CACNA1A: variants seen among roughly 807,000 people sequenced by gnomAD.
CACNA1A encodes voltage-dependent P/Q-type calcium channel subunit alpha-1A.
A neutral mutation model predicts 262.4 loss-of-function variants in CACNA1A; 57 were observed. That is an observed-to-expected ratio of 0.22 (90% CI 0.18 to 0.27). CACNA1A has a LOEUF of 0.27. Ranked by LOEUF, CACNA1A falls within the 10% of genes least tolerant of loss-of-function variation. CACNA1A has a pLI of 1.00. For synonymous variants in CACNA1A, 1,431 were observed against 1,419.3 expected, an observed-to-expected ratio of 1.01 and a Z score of -0.18; for missense variants, 2,526 against 3,562.8, an observed-to-expected ratio of 0.71 and a Z score of 7.41.
chr19:13,245,178 T>G lies in CACNA1A; in HGVS notation c.4950+4A>C, dbSNP rs1163136052. 6.2e-7 allele frequency: 1 copy of G among 1,612,594 alleles called. No homozygotes were observed. The highest frequency in any genetic ancestry group is 8.5e-7 in the Non-Finnish European group (1 of 1,178,694). ...ACCCAGAGAGAAGCTGGAGGGAGAC[T>G]TACCCCAAACTCAGTCACGAGGATA... is the stretch of plus-strand genomic sequence containing the variant. On this transcript the variant is annotated splice_donor_region_variant and intron_variant, in intron 31 of 46. Coordinates refer to ENST00000360228, the MANE Select transcript of CACNA1A (RefSeq NM_001127222.2).
chr19:13,240,866 G>A (rs2056062447), intron 31 of CACNA1A, among the ~76,000 whole-genome samples: 1 of 152,248 alleles, frequency 6.6e-6, no homozygotes, highest in African/African-American at 2.4e-5. Flanking sequence ...TACAGTTCAA[G>A]GCTCCAGGAG....
intron 3 of CACNA1A, among the ~76,000 whole-genome samples, chr19:13,436,673 C>T (rs535873117): frequency 5.9e-5 from 9 of 152,362 alleles, no homozygotes; most frequent in African/African-American, 2.2e-4. Flanking sequence ...GTGGTTCTGT[C>T]TTTACCCCCC....
chr19:13,295,510 G>A (rs1328630397), intron 19 of CACNA1A, among the ~76,000 whole-genome samples: 1 of 95,180 alleles, frequency 1.1e-5, no homozygotes, highest in Non-Finnish European at 2.2e-5. Flanking sequence ...TTTTTTTTTT[G>A]AGACAAGGAC....
Position 13,308,388 on chromosome 19 carries a change from C to CA in CACNA1A, c.1781+27dup. On this transcript the variant is annotated intron_variant, in intron 13 of 46. Transcript: ENST00000360228. The surrounding 1 kb of genome is among the most constrained non-coding windows in gnomAD (Gnocchi z 4.2). Reference sequence around the variant, plus strand: ...ATGTCCCCCATCCCCACCCCCTGTACAAATGTCCAGGAACCCCAAAGACTT... The same window carrying CA: ...ATGTCCCCCATCCCCACCCCCTGTACAAAATGTCCAGGAACCCCAAAGACTT... 1 of 1,486,778 alleles carries CA rather than the reference C, an allele frequency of 6.7e-7. No individual in the cohort carries two copies. Among genetic ancestry groups the CA allele is most frequent in the Non-Finnish European group, 9.3e-7 (1 of 1,072,684 alleles). The allele number at this position is 1,486,778 out of a possible 1,614,324, so 92.1% of individuals were successfully genotyped here. A position where few individuals can be genotyped will look rare whatever the true frequency, so the allele number is the denominator to read the frequency against.
chr19:13,488,378 C>A (rs551177619), intron 1 of CACNA1A, among the ~76,000 whole-genome samples: 77 of 146,044 alleles, frequency 5.3e-4, no homozygotes, highest in African/African-American at 1.9e-3. Flanking sequence ...TCAGCATTTT[C>A]CTTTTTCTTT....
intron 3 of CACNA1A, among the ~76,000 whole-genome samples, chr19:13,385,519 C>A (rs566894671): frequency 1.3e-5 from 2 of 152,074 alleles, no homozygotes; most frequent in South Asian, 2.1e-4. Flanking sequence ...TGAGCCACTG[C>A]GCCCGGCCTT....
At chr19:13,472,300 G>A (rs535695374) in intron 1 of CACNA1A, among the ~76,000 whole-genome samples, 9 of 151,562 alleles carry the variant, frequency 5.9e-5, no homozygotes, top group Non-Finnish European at 1.2e-4. Flanking sequence ...AGATAGATAT[G>A]TATATATGTA....
intron 3 of CACNA1A, among the ~76,000 whole-genome samples, chr19:13,375,737 G>T (rs887982766): frequency 3.9e-5 from 6 of 152,136 alleles, no homozygotes; most frequent in African/African-American, 1.4e-4. Flanking sequence ...GCAGTGAGCG[G>T]TGATTGCACC....
chr19:13,289,997 C>T (rs1434300788), intron 19 of CACNA1A, among the ~76,000 whole-genome samples: 4 of 151,226 alleles, frequency 2.6e-5, no homozygotes, highest in African/African-American at 7.3e-5. Flanking sequence ...TGCACGATCT[C>T]GGCTCACTGC....
chr19:13,286,955 C>T lies in CACNA1A; in HGVS notation c.3101G>A (p.Gly1034Asp), dbSNP rs2144889565. The T allele has an allele frequency of 1.8e-5, 28 of 1,595,518 alleles. No individual in the cohort carries two copies. Among genetic ancestry groups the T allele is most frequent in the Non-Finnish European group, 2.4e-5 (28 of 1,170,014 alleles). Residue 1034 changes from glycine to aspartate, a missense_variant, in exon 20 of 47, where the codon GGC (glycine) becomes GAC (aspartate). By Grantham distance (94) the Gly-to-Asp change is moderately conservative (BLOSUM62 -1). Around this residue, in one of 17 missense-constraint regions of CACNA1A, gnomAD observed 765 missense variants for 748.6 expected, o/e 1.02. Coordinates refer to ENST00000360228, the MANE Select transcript of CACNA1A (RefSeq NM_001127222.2). ...RRHRRRKENQGSGVPVSGPNL... is the reference protein window; with the variant it reads ...RRHRRRKENQDSGVPVSGPNL... ...GGGGCCCGACACAGGGACCCCGGAG[C>T]CCTGGTTCTCTCTGAGGAAGGCAAG...
intron 25 of CACNA1A, chr19:13,262,523 A>G (rs2056758204): frequency 1.9e-6 from 1 of 529,258 alleles, no homozygotes; most frequent in South Asian, 2.8e-5. Flanking sequence ...ATCTAAAGAA[A>G]AACTGCCATA....
chr19:13,269,059 C>T, intron 24 of CACNA1A, among the ~76,000 whole-genome samples: 1 of 152,102 alleles, frequency 6.6e-6, no homozygotes, highest in East Asian at 1.9e-4. Flanking sequence ...TGCAGTAGCA[C>T]AATCATAGCT....
intron 3 of CACNA1A, among the ~76,000 whole-genome samples, chr19:13,376,626 C>G (rs1431808171): frequency 6.8e-6 from 1 of 146,802 alleles, no homozygotes; most frequent in Admixed American, 6.8e-5. Context: ...ATATAACACA[C>G]TACACATATG....
At position 13,437,021 on chromosome 19, in the gene CACNA1A, G is replaced by A. The variant is rs56985121; in HGVS notation, c.539+15855C>T. Among the ~76,000 whole-genome samples, 1,059 of 152,304 alleles carry A rather than the reference G, an allele frequency of 7.0e-3. 18 individuals are homozygous for A. Among genetic ancestry groups the A allele is most frequent in the African/African-American group, 0.023 (960 of 41,558 alleles). On this transcript the variant is annotated intron_variant, in intron 3 of 46. Coordinates refer to ENST00000360228, the MANE Select transcript of CACNA1A (RefSeq NM_001127222.2). ...GCCACCTGGATGTTAAATACTTTAT[G>A]TATCATGTCTGGGTAAGAATTAAGC...
intron 3 of CACNA1A, among the ~76,000 whole-genome samples, chr19:13,430,714 T>C (rs2060490871): frequency 6.6e-6 from 1 of 152,160 alleles, no homozygotes; most frequent in Non-Finnish European, 1.5e-5. Context: ...CCTGCCCTCA[T>C]GGAGCTGGCA....
At chr19:13,274,547 C>T (rs2057100762) in intron 24 of CACNA1A, 1 of 152,252 alleles carries the variant, frequency 6.6e-6, no homozygotes, top group Admixed American at 6.5e-5. Context: ...CAGCCAGGGT[C>T]CCCAAGATTT....
chr19:13,313,137 A>G (rs577754857), intron 11 of CACNA1A, among the ~76,000 whole-genome samples: 1 of 152,102 alleles, frequency 6.6e-6, no homozygotes, highest in Non-Finnish European at 1.5e-5. Flanking sequence ...CTGGGATTAT[A>G]TACATGACCC....
rs200663204 is a variant in CACNA1A, at chr19:13,293,614, AT to A, written c.3089+4929del. ...GGCGTGCACCACCTACGCCCGGCTA[AT>A]TTTTTTTTTTTTTGGTATTTTTAGT... On this transcript the variant is annotated intron_variant, in intron 19 of 46. Transcript: ENST00000360228. 4.1e-3 allele frequency among the ~76,000 whole-genome samples: 570 copies of A among 137,740 alleles called. 3 individuals are homozygous for A. Among genetic ancestry groups the A allele is most frequent in the Non-Finnish European group, 4.6e-3 (292 of 63,784 alleles). The allele number at this position is 137,740 out of a possible 152,430, so 90.4% of individuals were successfully genotyped here. A position where few individuals can be genotyped will look rare whatever the true frequency, so the allele number is the denominator to read the frequency against.
intron 2 of CACNA1A, among the ~76,000 whole-genome samples, chr19:13,454,337 T>G (rs1043167261): frequency 2.0e-5 from 3 of 151,684 alleles, no homozygotes; most frequent in Non-Finnish European, 4.4e-5. Context: ...CATCTCTTCA[T>G]CTGTATCCTT....
Sources: gnomAD v4.1 joint callset for allele counts (sites outside exome capture counted in the v4.1 genomes callset) on GRCh38, gnomAD v4.1.1 for gene constraint, gnomAD v4.1.1 regional missense constraint, Gnocchi (gnomAD v3.1) non-coding constraint, MANE v1.5 for transcripts, NCBI Gene and HGNC (gene_info 2026-07-23, HGNC 2026-07-21) for gene names.